The following RBFOX1 variants were observed in gnomAD, a reference collection of about 807,000 sequenced individuals.
RBFOX1 encodes RNA binding fox-1 homolog 1, also known as RNA binding protein fox-1 homolog 1.
Under a neutral mutation model 57.7 loss-of-function variants are expected in RBFOX1, and 8 were observed. That is an observed-to-expected ratio of 0.14 (90% CI 0.08 to 0.25). RBFOX1 has a LOEUF of 0.25. RBFOX1 is among the 10% of genes least tolerant of loss of function. RBFOX1 has a pLI of 1.00. For missense variants in RBFOX1, 611 were observed against 548.5 expected, an observed-to-expected ratio of 1.11 and a Z score of -1.14; for synonymous variants, 326 against 222.4, an observed-to-expected ratio of 1.47 and a Z score of -4.15.
intron 2 of RBFOX1, among the ~76,000 whole-genome samples, chr16:6,611,112 G>C (rs1183435497): frequency 6.6e-6 from 1 of 152,116 alleles, no homozygotes; most frequent in Non-Finnish European, 1.5e-5. Context: ...TAAATGGTTG[G>C]AGATGACAAA....
At chr16:7,049,800 G>A (rs1424924087) in intron 3 of RBFOX1, among the ~76,000 whole-genome samples, 1 of 152,070 alleles carries the variant, frequency 6.6e-6, no homozygotes, top group Non-Finnish European at 1.5e-5. Context: ...AAGTGTTTTC[G>A]CTCCATCTTG....
At position 7,231,388 on chromosome 16, in the gene RBFOX1, G is replaced by C. The variant is rs542403215; in HGVS notation, c.27+179290G>C. Reference sequence around the variant, plus strand: ...AGAGAATCAGCAGGGTTCATGATGAGGGAGTATAGCTGTGTTCACTGCAAC... The same window carrying C: ...AGAGAATCAGCAGGGTTCATGATGACGGAGTATAGCTGTGTTCACTGCAAC... On this transcript the variant is annotated intron_variant, in intron 4 of 15. Coordinates refer to ENST00000550418, the MANE Select transcript of RBFOX1 (RefSeq NM_018723.4). Among the ~76,000 whole-genome samples, 18 of 152,280 alleles carry C rather than the reference G, an allele frequency of 1.2e-4. 1 individual carries two copies. The South Asian group carries it at 3.1e-3, about 26-fold the overall frequency.
At chr16:7,209,733 G>T (rs1054483597) in intron 4 of RBFOX1, among the ~76,000 whole-genome samples, 5 of 152,192 alleles carry the variant, frequency 3.3e-5, no homozygotes, top group East Asian at 3.9e-4. Flanking sequence ...TAACCTTTGT[G>T]GGGGCAGGAG....
intron 4 of RBFOX1, among the ~76,000 whole-genome samples, chr16:7,210,711 C>T (rs956836392): frequency 2.0e-5 from 3 of 152,064 alleles, no homozygotes; most frequent in Non-Finnish European, 4.4e-5. Flanking sequence ...AACATTGTTG[C>T]TCCAATTATC....
intron 5 of RBFOX1, among the ~76,000 whole-genome samples, chr16:7,571,998 A>G (rs917201663): frequency 1.3e-5 from 2 of 152,284 alleles, no homozygotes; most frequent in East Asian, 1.9e-4. Context: ...TTGGTGGCAC[A>G]TGCCTGTAGT....
At chr16:6,547,139 A>G (rs927157323) in intron 2 of RBFOX1, among the ~76,000 whole-genome samples, 2 of 152,228 alleles carry the variant, frequency 1.3e-5, no homozygotes, top group Admixed American at 1.3e-4. Flanking sequence ...TCTTTTACTA[A>G]GATGCAAGCC....
chr16:7,054,212 T>TCGG (rs2051142392), intron 4 of RBFOX1, among the ~76,000 whole-genome samples: 2 of 17,516 alleles, frequency 1.1e-4, no homozygotes, highest in African/African-American at 1.0e-3. Flanking sequence ...ATTTTTTTTT[T>TCGG]CGGGGGGGGG....
chr16:7,040,930 G>T lies in RBFOX1; in HGVS notation c.-15-11127G>T, dbSNP rs1028384088. Among the ~76,000 whole-genome samples, 4 of 16,248 alleles carry T rather than the reference G, an allele frequency of 2.5e-4. 1 individual carries two copies. The South Asian group carries it at 9.8e-3, about 40-fold the overall frequency. The allele number at this position is 16,248 out of a possible 152,430, so 10.7% of individuals were successfully genotyped here. A position where few individuals can be genotyped will look rare whatever the true frequency, so the allele number is the denominator to read the frequency against. ...TTTTTGTTTTTTTGTTTTTTTGCTG[G>T]GGGGGGAAGGAGTCTTGCTCTGTCC... On this transcript the variant is annotated intron_variant, in intron 3 of 15. Coordinates refer to ENST00000550418, the MANE Select transcript of RBFOX1 (RefSeq NM_018723.4).
chr16:5,265,362 C>T (rs1362842660), intron 1 of RBFOX1, among the ~76,000 whole-genome samples: 1 of 152,146 alleles, frequency 6.6e-6, no homozygotes, highest in Admixed American at 6.5e-5. Flanking sequence ...GCAGAATGAG[C>T]TTCTTGCTAC....
rs562657953 is a variant in RBFOX1 at position 5,946,335 on chromosome 16, G to A, written c.351+79000G>A. 1.8e-4 allele frequency among the ~76,000 whole-genome samples: 28 copies of A among 152,296 alleles called. No homozygotes were observed. Among genetic ancestry groups the A allele is most frequent in the African/African-American group, 6.3e-4 (26 of 41,558 alleles). ...GCTCAGACTAAATGGATGTGAGTGT[G>A]TCTTCAATGATTTACTTCTCCATTC... On this transcript the variant is annotated intron_variant, in intron 4 of 19. Transcript: ENST00000641259. The surrounding 1 kb of genome is among the most constrained non-coding windows in gnomAD (Gnocchi z 4.6).
chr16:5,413,678 C>T lies in RBFOX1; in HGVS notation c.220-53538C>T, dbSNP rs1203164477. Among the ~76,000 whole-genome samples, 3 of 152,260 alleles carry T rather than the reference C, an allele frequency of 2.0e-5. No homozygotes were observed. In the East Asian group the frequency reaches 5.8e-4, roughly 29 times the overall value. ...TTGCTATGTGTCAGGCATTGTTATT[C>T]TGGGAAATAAGTGGTCAACAATTAA... On this transcript the variant is annotated intron_variant, in intron 1 of 2. Coordinates refer to the RBFOX1 transcript ENST00000585867.
intron 3 of RBFOX1, among the ~76,000 whole-genome samples, chr16:6,902,668 G>A (rs1227174669): frequency 3.9e-5 from 6 of 152,186 alleles, no homozygotes; most frequent in Non-Finnish European, 8.8e-5. Context: ...GCTGTAGTGA[G>A]CTGAGATTGT....
intron 3 of RBFOX1, among the ~76,000 whole-genome samples, chr16:6,713,589 CT>C (rs2064159180): frequency 1.3e-5 from 2 of 152,090 alleles, no homozygotes; most frequent in South Asian, 4.1e-4. Flanking sequence ...TCAAGTGTCC[CT>C]TTGTGGGCAA....
At chr16:5,532,711 G>A (rs1356364675) in intron 2 of RBFOX1, among the ~76,000 whole-genome samples, 3 of 152,194 alleles carry the variant, frequency 2.0e-5, no homozygotes, top group Non-Finnish European at 4.4e-5. Context: ...ACCCAGGCCT[G>A]AGATCAGTGC....
rs371333055 is a variant in RBFOX1 at position 5,512,528 on chromosome 16, T to G, written c.258+45274T>G. On this transcript the variant is annotated intron_variant, in intron 2 of 2. Transcript: ENST00000585867. ...AAACACAATCATCACAATCATGGAT[T>G]AGAATCCCAGCTTTGTCATTTATGA... is the stretch of plus-strand genomic sequence containing the variant. Among the ~76,000 whole-genome samples the G allele has an allele frequency of 7.9e-5, 12 of 152,306 alleles. No homozygotes were observed. In the East Asian group the frequency reaches 1.5e-3, roughly 20 times the overall value.
chr16:7,041,414 T>C (rs2046148972), intron 3 of RBFOX1, among the ~76,000 whole-genome samples: 1 of 152,164 alleles, frequency 6.6e-6, no homozygotes, highest in Admixed American at 6.6e-5. Flanking sequence ...CAATTCCTAA[T>C]GTAGATGAAC....
chr16:6,866,695 C>G (rs973678573), intron 3 of RBFOX1, among the ~76,000 whole-genome samples: 6 of 151,764 alleles, frequency 4.0e-5, no homozygotes, highest in South Asian at 2.1e-4. Flanking sequence ...GCGCCTGCCA[C>G]CACGCCTGGC....
chr16:7,485,558 T>C (rs1409761238), intron 4 of RBFOX1, among the ~76,000 whole-genome samples: 8 of 152,184 alleles, frequency 5.3e-5, no homozygotes, highest in Non-Finnish European at 1.0e-4. Flanking sequence ...GCTGAAGCAG[T>C]TCTCAACCCC....
chr16:7,675,408 CA>C (rs369307640), intron 13 of RBFOX1, among the ~76,000 whole-genome samples: 2,069 of 126,194 alleles, frequency 0.016, 21 homozygotes, highest in African/African-American at 0.039. Context: ...TTAAGGGAAA[CA>C]AAAAAAAAAA....
Sources: gnomAD v4.1 joint callset for allele counts (sites outside exome capture counted in the v4.1 genomes callset) on GRCh38, gnomAD v4.1.1 for gene constraint, Gnocchi (gnomAD v3.1) non-coding constraint, MANE v1.5 for transcripts, NCBI Gene and HGNC (gene_info 2026-07-23, HGNC 2026-07-21) for gene names.